Variants in DGKB observed in about 807,000 individuals in gnomAD.
The protein encoded by DGKB is diacylglycerol kinase beta.
In DGKB, 67 loss-of-function variants were observed where a neutral mutation model predicts 114.3. That is an observed-to-expected ratio of 0.59 (90% CI 0.48 to 0.72). The LOEUF (loss-of-function observed/expected upper bound fraction) is 0.72, where lower values mean the gene tolerates loss of function less well. Among genes scored for constraint, DGKB ranks in the 30% least tolerant of loss-of-function variants. The probability of loss-of-function intolerance (pLI) is 0.00; values close to 1 mark genes in which losing one functional copy is unlikely to be tolerated. For synonymous variants in DGKB, 398 were observed against 323.1 expected (o/e 1.23, Z -2.49); for missense variants, 907 against 975.2 (o/e 0.93, Z 0.93).
Position 14,198,357 on chromosome 7 carries a change from C to T in DGKB, c.2123-20206G>A, listed in dbSNP as rs559928440. Among the ~76,000 whole-genome samples the T allele has an allele frequency of 1.6e-4, 24 of 152,186 alleles. No individual in the cohort carries two copies. The South Asian group carries it at 5.0e-3, about 32-fold the overall frequency. On this transcript the variant is annotated intron_variant, in intron 23 of 25. Coordinates refer to ENST00000402815, the MANE Select transcript of DGKB (RefSeq NM_001350709.2). ...TGAAAGCTAACATGTTAGCCTGCCA[C>T]AGCTTTGTTGAGGCTGGCAGAAGAC...
At chr7:14,411,147 T>G (rs1049927229) in intron 21 of DGKB, among the ~76,000 whole-genome samples, 2 of 152,154 alleles carry the variant, frequency 1.3e-5, no homozygotes, top group Non-Finnish European at 2.9e-5. Context: ...ATATATTGCA[T>G]GAGATATTCA....
chr7:14,301,441 A>G (rs559740538), intron 23 of DGKB, among the ~76,000 whole-genome samples: 5 of 152,234 alleles, frequency 3.3e-5, no homozygotes, highest in African/African-American at 1.2e-4. Context: ...CCCAGTCAAG[A>G]CATCTTCATG....
intron 21 of DGKB, among the ~76,000 whole-genome samples, chr7:14,398,433 G>C (rs1452806203): frequency 2.0e-5 from 3 of 151,988 alleles, no homozygotes; most frequent in Non-Finnish European, 4.4e-5. Context: ...GACAATCAAT[G>C]CTTTGAGCAC....
At chr7:14,278,884 C>G (rs55816754) in intron 23 of DGKB, among the ~76,000 whole-genome samples, 1 of 152,028 alleles carries the variant, frequency 6.6e-6, no homozygotes, top group Non-Finnish European at 1.5e-5. Flanking sequence ...GGAGCCAAGA[C>G]GGCCGAATAG....
chr7:14,216,838 G>A lies in DGKB; in HGVS notation c.2123-38687C>T, dbSNP rs1284402849. Among the ~76,000 whole-genome samples, 3 of 151,610 alleles carry A rather than the reference G, an allele frequency of 2.0e-5. No homozygotes were observed. In the East Asian group the frequency reaches 5.8e-4, roughly 29 times the overall value. ...GTGTGTGTTCTTAAAATAACTTAAA[G>A]GTCTTTTAAAGGACTTACACCAATG... is the stretch of plus-strand genomic sequence containing the variant. On this transcript the variant is annotated intron_variant, in intron 23 of 25. Coordinates refer to ENST00000402815, the MANE Select transcript of DGKB (RefSeq NM_001350709.2).
intron 21 of DGKB, among the ~76,000 whole-genome samples, chr7:14,443,243 C>T (rs1203232835): frequency 6.6e-6 from 1 of 152,128 alleles, no homozygotes; most frequent in Non-Finnish European, 1.5e-5. Context: ...TTAGAACCAT[C>T]AGATCCCATC....
chr7:14,147,738 A>G lies in DGKB; in HGVS notation c.*1393T>C, dbSNP rs2128207204. 1 of 152,706 alleles carries G rather than the reference A, an allele frequency of 6.5e-6. No homozygotes were observed. Among genetic ancestry groups the G allele is most frequent in the South Asian group, 2.1e-4 (1 of 4,832 alleles). 9.5% of individuals were successfully genotyped at this position (152,706 alleles called of 1,614,324 possible). ...ACATGCAATGATGAGATGCAGGTCA[A>G]TATGAATGAACAATATTACAAGACT... On this transcript the variant is annotated 3_prime_UTR_variant, in exon 26 of 26. Transcript: ENST00000402815.
chr7:14,953,332 A>G (rs1182190008), intron 1 of DGKB, among the ~76,000 whole-genome samples: 1 of 152,138 alleles, frequency 6.6e-6, no homozygotes, highest in Non-Finnish European at 1.5e-5. Context: ...TATAAAGATC[A>G]TGTAAAGAAC....
intron 21 of DGKB, among the ~76,000 whole-genome samples, chr7:14,465,312 A>G (rs185461626): frequency 6.6e-6 from 1 of 151,022 alleles, no homozygotes; most frequent in East Asian, 1.9e-4. Context: ...TTCTCAAGCT[A>G]TACAAAATAA....
At chr7:14,575,696 T>C (rs1004669789) in intron 19 of DGKB, among the ~76,000 whole-genome samples, 3 of 152,204 alleles carry the variant, frequency 2.0e-5, no homozygotes, top group Non-Finnish European at 4.4e-5. Flanking sequence ...ATCTCTCTTT[T>C]CACCCACACA....
chr7:14,952,857 C>T (rs557839345), intron 1 of DGKB, among the ~76,000 whole-genome samples: 1 of 152,008 alleles, frequency 6.6e-6, no homozygotes, highest in Non-Finnish European at 1.5e-5. Context: ...GTGGTTCTGG[C>T]ATGAGGATAT....
intron 1 of DGKB, among the ~76,000 whole-genome samples, chr7:14,864,944 T>G (rs1238596938): frequency 1.3e-5 from 2 of 152,130 alleles, no homozygotes; most frequent in African/African-American, 4.8e-5. Flanking sequence ...AAGGAAAGAC[T>G]GGAGGTGGAG....
intron 21 of DGKB, 53 bp from the exon 22 acceptor site, chr7:14,345,444 C>A: frequency 1.0e-6 from 1 of 956,806 alleles, no homozygotes; most frequent in East Asian, 2.6e-5. Context: ...ACAGAGGGAT[C>A]TTTTAAAAAA....
At chr7:14,498,711 G>A (rs972690799) in intron 20 of DGKB, among the ~76,000 whole-genome samples, 28 of 151,778 alleles carry the variant, frequency 1.8e-4, no homozygotes, top group African/African-American at 6.7e-4. Context: ...TGTTAGGAAG[G>A]AAAAGAGAAT....
chr7:14,608,404 A>T (rs939948380), intron 16 of DGKB, among the ~76,000 whole-genome samples: 2 of 152,002 alleles, frequency 1.3e-5, no homozygotes, highest in East Asian at 1.9e-4. Flanking sequence ...ATGAAAAAAA[A>T]TCTTCAACAG....
At chr7:14,696,427 G>A (rs1823910192) in intron 8 of DGKB, among the ~76,000 whole-genome samples, 1 of 150,398 alleles carries the variant, frequency 6.6e-6, no homozygotes, top group Non-Finnish European at 1.5e-5. Flanking sequence ...CCCGGGAGGC[G>A]GAGCTTGCAG....
intron 5 of DGKB, among the ~76,000 whole-genome samples, chr7:14,727,144 A>G (rs1830147011): frequency 6.6e-6 from 1 of 152,214 alleles, no homozygotes; most frequent in South Asian, 2.1e-4. Context: ...GTATGCAACC[A>G]TTAAGATGAA....
chr7:14,856,103 C>T (rs1850112642), intron 1 of DGKB, among the ~76,000 whole-genome samples: 1 of 151,750 alleles, frequency 6.6e-6, no homozygotes, highest in African/African-American at 2.4e-5. Context: ...CAGATAAAAT[C>T]AGATCTAAAA....
intron 23 of DGKB, among the ~76,000 whole-genome samples, chr7:14,198,121 C>A (rs1785286410): frequency 6.6e-6 from 1 of 152,082 alleles, no homozygotes. Context: ...TAAACAGATT[C>A]CTGTAGGAGT....
Sources: gnomAD v4.1 joint callset for allele counts (sites outside exome capture counted in the v4.1 genomes callset) on GRCh38, gnomAD v4.1.1 for gene constraint, MANE v1.5 for transcripts, NCBI Gene and HGNC (gene_info 2026-07-23, HGNC 2026-07-21) for gene names.